Variants in BRINP3 observed in about 807,000 individuals in gnomAD.
BRINP3 encodes BMP/retinoic acid-inducible neural-specific protein 3.
A neutral mutation model predicts 71.0 loss-of-function variants in BRINP3; 19 were observed. The ratio of observed to expected loss-of-function variants is 0.27; its 90% CI spans 0.19 to 0.39. The LOEUF is 0.39. Among genes scored for constraint, BRINP3 ranks in the 10% least tolerant of loss-of-function variants. The probability of loss-of-function intolerance (pLI) is 1.00; values close to 1 mark genes in which losing one functional copy is unlikely to be tolerated. For synonymous variants in BRINP3, 380 were observed against 337.7 expected, an observed-to-expected ratio of 1.13 and a Z score of -1.37; for missense variants, 959 against 940.8, an observed-to-expected ratio of 1.02 and a Z score of -0.25.
chr1:190,170,827 G>A (rs2102495342), intron 6 of BRINP3, among the ~76,000 whole-genome samples: 1 of 152,180 alleles, frequency 6.6e-6, no homozygotes, highest in African/African-American at 2.4e-5. Context: ...CATATTCATG[G>A]CTACATTAGT....
chr1:190,275,296 T>A (rs1326448498), intron 3 of BRINP3, among the ~76,000 whole-genome samples: 1 of 151,608 alleles, frequency 6.6e-6, no homozygotes, highest in Non-Finnish European at 1.5e-5. Context: ...TTGCTATGAT[T>A]TTTTTAAGAT....
At chr1:190,262,368 G>T (rs988259616) in intron 4 of BRINP3, among the ~76,000 whole-genome samples, 2 of 152,036 alleles carry the variant, frequency 1.3e-5, no homozygotes, top group Non-Finnish European at 2.9e-5. Flanking sequence ...CCTATTCCCC[G>T]CTACCTCACC....
At chr1:190,224,193 G>T (rs575850032) in intron 6 of BRINP3, among the ~76,000 whole-genome samples, 2 of 151,430 alleles carry the variant, frequency 1.3e-5, no homozygotes, top group Admixed American at 6.6e-5. Flanking sequence ...GTAATCATGA[G>T]CAAAAAAGAA....
At chr1:190,415,898 A>C (rs1672977640) in intron 2 of BRINP3, among the ~76,000 whole-genome samples, 1 of 151,976 alleles carries the variant, frequency 6.6e-6, no homozygotes, top group Non-Finnish European at 1.5e-5. Flanking sequence ...CAGAGTAAGA[A>C]CTCGTTTCTT....
intron 2 of BRINP3, among the ~76,000 whole-genome samples, chr1:190,345,194 C>T (rs1296675283): frequency 1.3e-5 from 2 of 151,846 alleles, no homozygotes; most frequent in Non-Finnish European, 2.9e-5. Flanking sequence ...AATAAGTCTA[C>T]TGTCTCTATA....
At chr1:190,322,490 T>C (rs1371399395) in intron 2 of BRINP3, among the ~76,000 whole-genome samples, 4 of 152,000 alleles carry the variant, frequency 2.6e-5, no homozygotes, top group East Asian at 1.9e-4. Flanking sequence ...TACACATGAT[T>C]GAGTACACAG....
At chr1:190,257,885 G>C (rs557992269) in intron 4 of BRINP3, among the ~76,000 whole-genome samples, 2 of 152,122 alleles carry the variant, frequency 1.3e-5, no homozygotes, top group Non-Finnish European at 2.9e-5. Context: ...ACCTGTATGA[G>C]GTGTCAGTTG....
chr1:190,175,141 A>G (rs1312051322), intron 6 of BRINP3, among the ~76,000 whole-genome samples: 1 of 152,150 alleles, frequency 6.6e-6, no homozygotes, highest in Admixed American at 6.6e-5. Context: ...TCTCACAACA[A>G]TATTTTTAGT....
intron 2 of BRINP3, among the ~76,000 whole-genome samples, chr1:190,302,288 A>C (rs1234481759): frequency 2.7e-5 from 4 of 148,116 alleles, no homozygotes; most frequent in Non-Finnish European, 6.0e-5. Flanking sequence ...GTATATATAT[A>C]TATTTTAAGT....
chr1:190,373,558 T>C (rs1670004657), intron 2 of BRINP3, among the ~76,000 whole-genome samples: 1 of 151,744 alleles, frequency 6.6e-6, no homozygotes, highest in Non-Finnish European at 1.5e-5. Context: ...TCTACATTTG[T>C]GATTTTGCTT....
intron 4 of BRINP3, among the ~76,000 whole-genome samples, chr1:190,262,056 A>G (rs576484607): frequency 6.6e-6 from 1 of 152,308 alleles, no homozygotes; most frequent in South Asian, 2.1e-4. Context: ...GCAGGGACAC[A>G]TTTGATAAGT....
intron 6 of BRINP3, among the ~76,000 whole-genome samples, chr1:190,202,545 T>C (rs1655096316): frequency 1.3e-5 from 2 of 152,092 alleles, no homozygotes; most frequent in African/African-American, 2.4e-5. Context: ...GGTGGAATGA[T>C]ATGGGTTGGC....
chr1:190,383,976 T>C (rs995162043), intron 2 of BRINP3, among the ~76,000 whole-genome samples: 5 of 151,872 alleles, frequency 3.3e-5, no homozygotes, highest in Non-Finnish European at 7.4e-5. Context: ...GTTATCCCAG[T>C]TTTACAGATG....
At position 190,259,015 on chromosome 1, in the gene BRINP3, T is replaced by C. The variant is rs187655254; in HGVS notation, c.618+5850A>G. On this transcript the variant is annotated intron_variant, in intron 4 of 7. Coordinates refer to ENST00000367462, the MANE Select transcript of BRINP3 (RefSeq NM_199051.3). ...ATTGAACTAATAACCAAAATCTACC[T>C]ACAAAGAAAAGTTCACATCTAGATG... is the stretch of plus-strand genomic sequence containing the variant. Among the ~76,000 whole-genome samples the C allele has an allele frequency of 3.9e-4, 60 of 152,092 alleles. 1 individual carries two copies. In the East Asian group the frequency reaches 0.011, roughly 28 times the overall value.
At chr1:190,111,763 A>G (rs1291457393) in intron 7 of BRINP3, among the ~76,000 whole-genome samples, 2 of 152,138 alleles carry the variant, frequency 1.3e-5, no homozygotes, top group Non-Finnish European at 2.9e-5. Flanking sequence ...TTGAGGGGAA[A>G]GGAGGGTGAA....
intron 2 of BRINP3, among the ~76,000 whole-genome samples, chr1:190,396,185 G>A (rs188595083): frequency 3.8e-4 from 58 of 151,958 alleles, no homozygotes; most frequent in Middle Eastern, 3.4e-3. Flanking sequence ...AATGTCACAC[G>A]GCTAGTAAAT....
intron 2 of BRINP3, among the ~76,000 whole-genome samples, chr1:190,347,259 G>T (rs1668079536): frequency 6.6e-6 from 1 of 152,022 alleles, no homozygotes; most frequent in Non-Finnish European, 1.5e-5. Context: ...CTCTGCCTCA[G>T]CCTCCCCAGT....
intron 2 of BRINP3, among the ~76,000 whole-genome samples, chr1:190,436,582 C>T (rs559102816): frequency 3.1e-4 from 47 of 151,770 alleles, no homozygotes; most frequent in Middle Eastern, 3.4e-3. Flanking sequence ...GGTCATATAA[C>T]GGTGCATTAT....
At chr1:190,437,819 A>C (rs1674564714) in intron 2 of BRINP3, among the ~76,000 whole-genome samples, 1 of 151,898 alleles carries the variant, frequency 6.6e-6, no homozygotes, top group Admixed American at 6.6e-5. Context: ...TAATCCATTT[A>C]CTTTTATGTT....
Sources: allele counts gnomAD v4.1 joint callset (sites outside exome capture counted in the v4.1 genomes callset), GRCh38; gene constraint gnomAD v4.1.1; transcripts MANE v1.5; gene names NCBI Gene and HGNC (gene_info 2026-07-23, HGNC 2026-07-21).